The following KAZN variants were observed in gnomAD, a reference collection of about 807,000 sequenced individuals.
KAZN encodes the protein kazrin, periplakin interacting protein, also known as kazrin.
In KAZN, 40 loss-of-function variants were observed where a neutral mutation model predicts 87.4. The ratio of observed to expected loss-of-function variants is 0.46; its 90% CI spans 0.36 to 0.60. KAZN has a LOEUF of 0.60. Among genes scored for constraint, KAZN ranks in the 20% least tolerant of loss-of-function variants. KAZN has a pLI of 0.00. For missense variants in KAZN, 898 were observed against 1,073.9 expected (o/e 0.84, Z 2.29); for synonymous variants, 466 against 458.3 (o/e 1.02, Z -0.22).
In KAZN at chr1:14,611,084, G is replaced by C. The variant is rs186401302; in HGVS notation, c.226+11861G>C. ...TCACAAGCCAGCCAAAAGTATGGCA[G>C]AAAACTCAGGGAGATGGGAATGGGG... On this transcript the variant is annotated intron_variant, in intron 1 of 14. Transcript: ENST00000376030. 2.7e-3 allele frequency among the ~76,000 whole-genome samples: 408 copies of C among 152,306 alleles called. 1 individual carries two copies. Among genetic ancestry groups the C allele is most frequent in the African/African-American group, 9.3e-3 (386 of 41,572 alleles).
At chr1:14,344,840 C>T (rs1657992503) in intron 2 of KAZN, among the ~76,000 whole-genome samples, 1 of 152,044 alleles carries the variant, frequency 6.6e-6, no homozygotes, top group South Asian at 2.1e-4. Flanking sequence ...ATTTTTTTAA[C>T]TCATGTAAAT....
intron 2 of KAZN, among the ~76,000 whole-genome samples, chr1:15,004,094 C>T (rs1224521657): frequency 1.3e-5 from 2 of 152,178 alleles, no homozygotes; most frequent in African/African-American, 4.8e-5. Context: ...GGTGAACATA[C>T]CTGGAGCCTC....
chr1:14,895,976 C>G (rs1655217964), intron 1 of KAZN, among the ~76,000 whole-genome samples: 1 of 151,300 alleles, frequency 6.6e-6, no homozygotes, highest in African/African-American at 2.4e-5. Context: ...AAAAGTTGGC[C>G]AGGCAACAAT....
intron 1 of KAZN, among the ~76,000 whole-genome samples, chr1:13,960,303 A>G (rs996577015): frequency 3.9e-5 from 6 of 152,182 alleles, no homozygotes; most frequent in African/African-American, 1.4e-4. Flanking sequence ...TGAGGCAGAG[A>G]GCTTCGCCCA....
chr1:14,968,498 C>G (rs146015423), intron 2 of KAZN, among the ~76,000 whole-genome samples: 2 of 152,204 alleles, frequency 1.3e-5, no homozygotes, highest in Non-Finnish European at 2.9e-5. Context: ...TTTGTTACAA[C>G]AAGAATGGGA....
At chr1:14,251,860 G>T (rs893152978) in intron 2 of KAZN, among the ~76,000 whole-genome samples, 1 of 151,858 alleles carries the variant, frequency 6.6e-6, no homozygotes, top group African/African-American at 2.4e-5. Context: ...TGTTGCCCAG[G>T]CTGGTCTTGA....
intron 8 of KAZN, among the ~76,000 whole-genome samples, chr1:15,079,404 A>G (rs1184149047): frequency 2.0e-5 from 3 of 152,178 alleles, no homozygotes; most frequent in Non-Finnish European, 4.4e-5. Flanking sequence ...TAAATTGTGG[A>G]CACAAGATGA....
chr1:14,750,953 C>A (rs568086770), intron 1 of KAZN, among the ~76,000 whole-genome samples: 1 of 152,290 alleles, frequency 6.6e-6, no homozygotes, highest in Admixed American at 6.5e-5. Context: ...TACAAGTGAG[C>A]AAGGGCTGAT....
intron 1 of KAZN, among the ~76,000 whole-genome samples, chr1:14,044,165 G>A (rs753756009): frequency 3.2e-4 from 49 of 152,036 alleles, no homozygotes; most frequent in Admixed American, 1.7e-3. Flanking sequence ...TCCAGAACCT[G>A]CTTGCCTAAT....
Position 14,807,330 on chromosome 1 carries a change from G to T in KAZN, c.227-153354G>T, listed in dbSNP as rs60795720. ...TTGCGAGTCATTCTGAAAATCTCTG[G>T]TTTTTCAGCTCTTCCTACAATTCCA... On this transcript the variant is annotated intron_variant, in intron 1 of 14. Transcript: ENST00000376030. Among the ~76,000 whole-genome samples the T allele has an allele frequency of 1.0e-2, 1,516 of 152,186 alleles. 17 individuals are homozygous for T. The highest frequency in any genetic ancestry group is 0.033 in the African/African-American group (1,384 of 41,488).
At chr1:15,088,482 C>G (rs1360160160) in intron 8 of KAZN, among the ~76,000 whole-genome samples, 1 of 152,178 alleles carries the variant, frequency 6.6e-6, no homozygotes, top group Non-Finnish European at 1.5e-5. Flanking sequence ...TCCCGAGTGA[C>G]TGCCTTTTAG....
chr1:13,964,525 T>G (rs1570403593), intron 1 of KAZN, among the ~76,000 whole-genome samples: 1 of 152,188 alleles, frequency 6.6e-6, no homozygotes, highest in Non-Finnish European at 1.5e-5. Context: ...CATTCATGTG[T>G]CTGTGGTTAC....
intron 1 of KAZN, among the ~76,000 whole-genome samples, chr1:14,632,957 C>G (rs1051209977): frequency 1.3e-5 from 2 of 151,922 alleles, no homozygotes; most frequent in African/African-American, 4.8e-5. Context: ...CACTCTGTCA[C>G]CCAGGCTAAA....
Position 14,916,170 on chromosome 1 carries a change from C to CTTTTTTTTTT in KAZN, c.227-44504_227-44495dup, listed in dbSNP as rs71307000. Among the ~76,000 whole-genome samples the CTTTTTTTTTT allele has an allele frequency of 2.3e-4, 26 of 113,594 alleles. 1 individual carries two copies. The highest frequency in any genetic ancestry group is 4.4e-4 in the Admixed American group (4 of 9,134). 74.5% of individuals were successfully genotyped at this position (113,594 alleles called of 152,430 possible). ...TATTTGTAGTATTTTCACTGTTGTT[C>CTTTTTTTTTT]TTTTTTTTTTTTTTTTTTTGACAGA... On this transcript the variant is annotated intron_variant, in intron 1 of 14. Coordinates refer to ENST00000376030, the MANE Select transcript of KAZN (RefSeq NM_201628.3).
At chr1:14,316,585 A>G (rs927804133) in intron 2 of KAZN, among the ~76,000 whole-genome samples, 3 of 151,628 alleles carry the variant, frequency 2.0e-5, no homozygotes, top group African/African-American at 7.3e-5. Flanking sequence ...CTTTCCTTCT[A>G]TGCATTTTGG....
chr1:13,983,219 C>T (rs969768640), intron 1 of KAZN, among the ~76,000 whole-genome samples: 11 of 152,234 alleles, frequency 7.2e-5, no homozygotes, highest in African/African-American at 1.2e-4. Context: ...CAAGGGGTGG[C>T]GCTCGTGGAG....
At chr1:14,732,091 C>T (rs1264323217) in intron 1 of KAZN, among the ~76,000 whole-genome samples, 1 of 152,194 alleles carries the variant, frequency 6.6e-6, no homozygotes, top group African/African-American at 2.4e-5. Flanking sequence ...CGACACCTGT[C>T]GGACCCTGGG....
At chr1:14,150,877 C>T (rs1356588644) in intron 1 of KAZN, among the ~76,000 whole-genome samples, 1 of 152,046 alleles carries the variant, frequency 6.6e-6, no homozygotes, top group Non-Finnish European at 1.5e-5. Context: ...ATGTATATTT[C>T]AGTGTGGGAA....
At chr1:13,942,611 A>T (rs1444580268) in intron 1 of KAZN, among the ~76,000 whole-genome samples, 1 of 151,722 alleles carries the variant, frequency 6.6e-6, no homozygotes. Context: ...AATTCTCTTT[A>T]TAATTGTTCA....
Sources: gnomAD v4.1 joint callset for allele counts (sites outside exome capture counted in the v4.1 genomes callset) on GRCh38, gnomAD v4.1.1 for gene constraint, MANE v1.5 for transcripts, NCBI Gene and HGNC (gene_info 2026-07-23, HGNC 2026-07-21) for gene names.